PHLDB2: variants seen among roughly 807,000 people sequenced by gnomAD.
PHLDB2 encodes pleckstrin homology-like domain family B member 2.
In PHLDB2, 71 loss-of-function variants were observed where a neutral mutation model predicts 123.6. The observed-to-expected ratio is 0.57, with a 90% CI of 0.47 to 0.70. The LOEUF (loss-of-function observed/expected upper bound fraction) is 0.70. Ranked by LOEUF, PHLDB2 falls within the 30% of genes least tolerant of loss-of-function variation. The probability of loss-of-function intolerance (pLI) is 0.00; values close to 1 mark genes in which losing one functional copy is unlikely to be tolerated. For synonymous variants in PHLDB2, 547 were observed against 541.6 expected (o/e 1.01, Z -0.14); for missense variants, 1,446 against 1,519.5 (o/e 0.95, Z 0.80).
At chr3:111,862,698 G>A (rs1018498904) in intron 1 of PHLDB2, among the ~76,000 whole-genome samples, 3 of 152,186 alleles carry the variant, frequency 2.0e-5, no homozygotes, top group Middle Eastern at 3.4e-3. Flanking sequence ...CATAGAAGCC[G>A]TTTTGTATGC....
intron 16 of PHLDB2, among the ~76,000 whole-genome samples, chr3:111,971,385 T>G (rs1359237998): frequency 6.6e-6 from 1 of 152,070 alleles, no homozygotes; most frequent in Non-Finnish European, 1.5e-5. Context: ...AGCTCCAAGC[T>G]TCAGACCCAT....
chr3:111,842,669 A>G (rs1267162958), intron 1 of PHLDB2, among the ~76,000 whole-genome samples: 5 of 152,212 alleles, frequency 3.3e-5, no homozygotes, highest in Non-Finnish European at 7.3e-5. Context: ...GGTTTTTAAT[A>G]TATTCAAAGA....
intron 2 of PHLDB2, among the ~76,000 whole-genome samples, chr3:111,890,528 AT>A (rs2107366262): frequency 6.6e-6 from 1 of 152,354 alleles, no homozygotes; most frequent in Admixed American, 6.5e-5. Context: ...TCTTATATAA[AT>A]GAAGAATGAA....
chr3:111,796,549 T>G (rs1455020812), intron 1 of PHLDB2, among the ~76,000 whole-genome samples: 1 of 152,154 alleles, frequency 6.6e-6, no homozygotes, highest in Non-Finnish European at 1.5e-5. Flanking sequence ...TTTTATTGTT[T>G]TTGAGACAGA....
chr3:111,954,085 A>G, intron 12 of PHLDB2, 56 bp downstream of exon 12: 3 of 1,494,110 alleles, frequency 2.0e-6, no homozygotes, highest in Non-Finnish European at 2.8e-6. Flanking sequence ...AGAATTCTTC[A>G]GGGGGAGGAA....
intron 1 of PHLDB2, among the ~76,000 whole-genome samples, chr3:111,815,367 G>A (rs1324979977): frequency 6.6e-6 from 1 of 152,170 alleles, no homozygotes; most frequent in Non-Finnish European, 1.5e-5. Flanking sequence ...ACAGGAAAAT[G>A]TGGGAAAGTT....
intron 2 of PHLDB2, among the ~76,000 whole-genome samples, chr3:111,905,303 G>C (rs2067444624): frequency 6.6e-6 from 1 of 151,846 alleles, no homozygotes; most frequent in South Asian, 2.1e-4. Flanking sequence ...TTTCAGTTGG[G>C]GTCTGATGTA....
upstream of PHLDB2, among the ~76,000 whole-genome samples, chr3:111,856,991 C>A (rs114053489): frequency 9.5e-3 from 1,453 of 152,218 alleles, 27 homozygotes; most frequent in African/African-American, 0.033. Flanking sequence ...AACACGGTGA[C>A]ATTGAACAGG....
At chr3:111,956,552 T>C (rs2071075410) in intron 12 of PHLDB2, among the ~76,000 whole-genome samples, 1 of 152,254 alleles carries the variant, frequency 6.6e-6, no homozygotes, top group Admixed American at 6.5e-5. Context: ...AGTCTTTCTC[T>C]GCTGTAACTG....
chr3:111,745,304 A>G (rs2059663839), intron 1 of PHLDB2, among the ~76,000 whole-genome samples: 1 of 152,248 alleles, frequency 6.6e-6, no homozygotes, highest in African/African-American at 2.4e-5. Context: ...ATTAAATAAT[A>G]ACAGTTAAAA....
chr3:111,956,341 G>A (rs1019427925), intron 12 of PHLDB2, among the ~76,000 whole-genome samples: 12 of 152,298 alleles, frequency 7.9e-5, no homozygotes, highest in African/African-American at 2.9e-4. Context: ...CCGAGGGAAG[G>A]TTTGATCTCA....
intron 16 of PHLDB2, among the ~76,000 whole-genome samples, chr3:111,972,606 T>C (rs931238967): frequency 6.6e-6 from 1 of 152,206 alleles, no homozygotes; most frequent in African/African-American, 2.4e-5. Context: ...TATTTTCTTT[T>C]TTCCTCTTAT....
rs1559857565 is a variant in PHLDB2 at position 111,833,919 on chromosome 3, TTATATATATAATATATGTAATGGAATTA to T, written c.-48-11893_-48-11866del. On this transcript the variant is annotated intron_variant, in intron 1 of 17. Coordinates refer to the PHLDB2 transcript ENST00000393923. The stretch of plus-strand genomic sequence containing the variant: ...TATATATATAATATATGTAATAGAA[TTATATATATAATATATGTAATGGAATTA>T]TATATATAATATATGTAATGGAATT... 1.6e-3 allele frequency among the ~76,000 whole-genome samples: 119 copies of T among 74,240 alleles called. 49 individuals carry two copies. The highest frequency in any genetic ancestry group is 2.1e-3 in the Non-Finnish European group (88 of 42,594). 48.7% of individuals were successfully genotyped at this position (74,240 alleles called of 152,430 possible).
chr3:111,775,516 G>A (rs6790521), intron 1 of PHLDB2, among the ~76,000 whole-genome samples: 40,664 of 151,974 alleles, frequency 0.27, 6,886 homozygotes, highest in African/African-American at 0.48. Flanking sequence ...GGGTGTTCAG[G>A]AAGGGGTTTG....
intron 1 of PHLDB2, among the ~76,000 whole-genome samples, chr3:111,874,629 A>T (rs2065513715): frequency 6.6e-6 from 1 of 152,192 alleles, no homozygotes; most frequent in South Asian, 2.1e-4. Context: ...ATGATGCTTC[A>T]GCTTGGAACT....
At chr3:111,746,252 A>G (rs943637443) in intron 1 of PHLDB2, among the ~76,000 whole-genome samples, 1 of 152,106 alleles carries the variant, frequency 6.6e-6, no homozygotes, top group Non-Finnish European at 1.5e-5. Flanking sequence ...GACACTTCCT[A>G]CTGAGAGAAC....
At chr3:111,897,977 T>G (rs2107422734) in intron 2 of PHLDB2, among the ~76,000 whole-genome samples, 1 of 152,368 alleles carries the variant, frequency 6.6e-6, no homozygotes, top group East Asian at 1.9e-4. Flanking sequence ...TGCAACAGCA[T>G]TATGTATAAA....
Position 111,969,891 on chromosome 3 carries a change from A to G in PHLDB2, c.3517A>G (p.Thr1173Ala). The change falls in exon 16 of 18, where the codon ACA becomes GCA. Residue 1173 changes from threonine (T) to alanine (A), a missense_variant. By Grantham distance (58) the Thr-to-Ala change is moderately conservative. Transcript: ENST00000431670. ...RWFVFDRNKR[T>A]FSYYADKHET... The stretch of plus-strand genomic sequence containing the variant: ...GTTTGTTTTTGATCGGAACAAGCGA[A>G]CATTCTCTTATTATGCAGGTGGGTG... 2 of 1,613,986 alleles carry G rather than the reference A, an allele frequency of 1.2e-6. No homozygotes were observed. The highest frequency in any genetic ancestry group is 1.7e-6 in the Non-Finnish European group (2 of 1,179,862).
intron 1 of PHLDB2, chr3:111,732,848 A>C (rs759161963): frequency 3.2e-6 from 2 of 631,084 alleles, no homozygotes; most frequent in Non-Finnish European, 5.4e-6. Context: ...TCATTTTTCT[A>C]TCAGCCTGTT....
Sources: allele counts gnomAD v4.1 joint callset (sites outside exome capture counted in the v4.1 genomes callset), GRCh38; gene constraint gnomAD v4.1.1; transcripts MANE v1.5; gene names NCBI Gene and HGNC (gene_info 2026-07-23, HGNC 2026-07-21).